Variants in MALRD1 observed in about 807,000 individuals in gnomAD.
MALRD1 encodes the protein MAM and LDL receptor class A domain containing 1.
MALRD1 carries 247 observed loss-of-function variants against 242.1 expected under a neutral mutation model. The observed-to-expected ratio is 1.02, with a 90% CI of 0.92 to 1.13. The LOEUF (loss-of-function observed/expected upper bound fraction) is 1.13, where lower values mean the gene tolerates loss of function less well. Among genes scored for constraint, MALRD1 ranks in the 50% most tolerant of loss-of-function variants. The probability of loss-of-function intolerance (pLI) is 0.00; values close to 1 mark genes in which losing one functional copy is unlikely to be tolerated. For missense variants in MALRD1, 2,989 were observed against 2,533.1 expected, an observed-to-expected ratio of 1.18 and a Z score of -3.86; for synonymous variants, 995 against 866.6, an observed-to-expected ratio of 1.15 and a Z score of -2.60.
At chr10:19,632,260 G>A (rs773378462) in intron 36 of MALRD1, among the ~76,000 whole-genome samples, 21 of 152,148 alleles carry the variant, frequency 1.4e-4, no homozygotes, top group Non-Finnish European at 2.2e-4. Context: ...TACTGCCATC[G>A]TGAAGAAGTT....
At chr10:19,109,456 A>C (rs1588557315) in intron 5 of MALRD1, among the ~76,000 whole-genome samples, 1 of 152,310 alleles carries the variant, frequency 6.6e-6, no homozygotes, top group East Asian at 1.9e-4. Flanking sequence ...CTGGTTGGCA[A>C]GATTGCCTAT....
intron 26 of MALRD1, among the ~76,000 whole-genome samples, chr10:19,354,767 T>TA (rs1430283422): frequency 3.9e-5 from 6 of 152,082 alleles, no homozygotes; most frequent in African/African-American, 1.4e-4. Context: ...TCCCAACATT[T>TA]AAAAAAATGA....
chr10:19,247,454 C>T (rs773436755), intron 18 of MALRD1, among the ~76,000 whole-genome samples: 3 of 151,660 alleles, frequency 2.0e-5, no homozygotes, highest in Non-Finnish European at 4.4e-5. Context: ...TAAAACAGAC[C>T]TTAAGGTCTG....
intron 30 of MALRD1, among the ~76,000 whole-genome samples, chr10:19,492,474 G>T (rs1404295900): frequency 1.3e-5 from 2 of 152,078 alleles, no homozygotes; most frequent in African/African-American, 4.8e-5. Flanking sequence ...TGATAGGGTG[G>T]AACTAGATAA....
chr10:19,304,993 A>G (rs1342165114), intron 21 of MALRD1, among the ~76,000 whole-genome samples: 1 of 151,690 alleles, frequency 6.6e-6, no homozygotes, highest in Non-Finnish European at 1.5e-5. Context: ...AGCATCCCCA[A>G]TCATTGAAGT....
At chr10:19,483,309 A>G (rs2131186002) in intron 29 of MALRD1, among the ~76,000 whole-genome samples, 1 of 152,282 alleles carries the variant, frequency 6.6e-6, no homozygotes, top group Non-Finnish European at 1.5e-5. Flanking sequence ...AAATTGACAA[A>G]TGGAGCCTAA....
chr10:19,087,104 G>C (rs1835694504), intron 2 of MALRD1, among the ~76,000 whole-genome samples: 1 of 152,012 alleles, frequency 6.6e-6, no homozygotes, highest in African/African-American at 2.4e-5. Flanking sequence ...CTTGTTGTTA[G>C]AAGTGATTTC....
intron 18 of MALRD1, among the ~76,000 whole-genome samples, chr10:19,216,839 G>A (rs1027986149): frequency 1.3e-5 from 2 of 151,828 alleles, no homozygotes; most frequent in East Asian, 1.9e-4. Flanking sequence ...CCAGCTACTC[G>A]GGAGGCTGAG....
At chr10:19,115,809 G>A (rs950235500) in intron 5 of MALRD1, among the ~76,000 whole-genome samples, 1 of 152,228 alleles carries the variant, frequency 6.6e-6, no homozygotes, top group African/African-American at 2.4e-5. Context: ...CCAGGAGGCA[G>A]AGGTTGCAGT....
chr10:19,165,267 T>TATATATATA (rs1564435240), intron 12 of MALRD1, among the ~76,000 whole-genome samples: 6 of 53,814 alleles, frequency 1.1e-4, no homozygotes, highest in African/African-American at 7.5e-4. Context: ...ATATATATAT[T>TATATATATA]TTGTTTTGTT....
chr10:19,599,148 A>C lies in MALRD1; in HGVS notation c.5944+3691A>C, dbSNP rs182936501. ...AGAAGTTGCAATTGGAGTGGAATGC[A>C]GGAAAAAAGAATTGGTTTCTTTGTT... On this transcript the variant is annotated intron_variant, in intron 34 of 39. Transcript: ENST00000454679. 2.3e-3 allele frequency among the ~76,000 whole-genome samples: 354 copies of C among 152,284 alleles called. 2 individuals carry two copies. Among genetic ancestry groups the C allele is most frequent in the African/African-American group, 8.3e-3 (347 of 41,574 alleles).
intron 5 of MALRD1, among the ~76,000 whole-genome samples, chr10:19,105,927 A>G (rs1439770837): frequency 2.0e-5 from 3 of 151,926 alleles, no homozygotes; most frequent in African/African-American, 7.2e-5. Flanking sequence ...ACCCCTTATT[A>G]GATGCACAGT....
chr10:19,408,227 C>T (rs1373570605), intron 28 of MALRD1, among the ~76,000 whole-genome samples: 1 of 152,058 alleles, frequency 6.6e-6, no homozygotes, highest in Non-Finnish European at 1.5e-5. Flanking sequence ...TGAAGGAAAA[C>T]AGGAATTAGG....
chr10:19,214,181 AT>A (rs1406208183), intron 18 of MALRD1, among the ~76,000 whole-genome samples: 1 of 152,146 alleles, frequency 6.6e-6, no homozygotes, highest in African/African-American at 2.4e-5. Context: ...CTGAGAGCTC[AT>A]GTCAACATGG....
chr10:19,666,156 G>A (rs1841676283), intron 36 of MALRD1, among the ~76,000 whole-genome samples: 1 of 152,098 alleles, frequency 6.6e-6, no homozygotes, highest in Non-Finnish European at 1.5e-5. Flanking sequence ...CCTGGCATCA[G>A]CCTCCTCACA....
At chr10:19,164,395 A>C (rs1258643693) in intron 12 of MALRD1, among the ~76,000 whole-genome samples, 1 of 152,180 alleles carries the variant, frequency 6.6e-6, no homozygotes, top group Non-Finnish European at 1.5e-5. Context: ...TATCAGTATA[A>C]AAGCACAATG....
At chr10:19,432,975 C>G (rs1008280914) in intron 28 of MALRD1, among the ~76,000 whole-genome samples, 3 of 152,190 alleles carry the variant, frequency 2.0e-5, no homozygotes, top group African/African-American at 7.2e-5. Flanking sequence ...TTACGTAATA[C>G]ACTTGTAATG....
chr10:19,144,069 C>T (rs7098738), intron 10 of MALRD1, among the ~76,000 whole-genome samples: 51,740 of 152,098 alleles, frequency 0.34, 9,206 homozygotes, highest in Admixed American at 0.39. Context: ...CTGCACTTCC[C>T]TGTCATAGCA....
intron 11 of MALRD1, among the ~76,000 whole-genome samples, chr10:19,149,550 TTA>T (rs1358656408): frequency 6.6e-6 from 1 of 152,190 alleles, no homozygotes; most frequent in Non-Finnish European, 1.5e-5. Flanking sequence ...ATATTCAAAA[TTA>T]TATGTGTTTC....
Sources: allele counts gnomAD v4.1 joint callset (sites outside exome capture counted in the v4.1 genomes callset), GRCh38; gene constraint gnomAD v4.1.1; transcripts MANE v1.5; gene names NCBI Gene and HGNC (gene_info 2026-07-23, HGNC 2026-07-21).